The following CCDC66 variants were observed in gnomAD, a reference collection of about 807,000 sequenced individuals.
The protein encoded by CCDC66 is coiled-coil domain containing 66, also known as coiled-coil domain-containing protein 66.
In CCDC66, 133 loss-of-function variants were observed where a neutral mutation model predicts 128.3. The observed-to-expected ratio is 1.04, with a 90% CI of 0.90 to 1.20. CCDC66 has a LOEUF of 1.20. Ranked by LOEUF, CCDC66 falls within the 50% of genes most tolerant of loss-of-function variation. The pLI, the probability that CCDC66 is intolerant of heterozygous loss-of-function variation, is 0.00. For missense variants in CCDC66, 1,126 were observed against 1,075.5 expected, an observed-to-expected ratio of 1.05 and a Z score of -0.66; for synonymous variants, 387 against 357.0, an observed-to-expected ratio of 1.08 and a Z score of -0.95.
At chr3:56,610,903 A>G (rs972924472) in intron 10 of CCDC66, among the ~76,000 whole-genome samples, 1 of 152,192 alleles carries the variant, frequency 6.6e-6, no homozygotes, top group Admixed American at 6.5e-5. Flanking sequence ...TTGTCTGCAC[A>G]GAGTGCTTAT....
At chr3:56,570,128 A>T (rs2066433351) in intron 6 of CCDC66, 1 of 152,136 alleles carries the variant, frequency 6.6e-6, no homozygotes, top group Admixed American at 6.5e-5. Flanking sequence ...GAGCCACCAC[A>T]CCTGGCCTTA....
intron 7 of CCDC66, among the ~76,000 whole-genome samples, chr3:56,587,699 C>T (rs9881789): frequency 0.32 from 48,990 of 151,788 alleles, 8,387 homozygotes; most frequent in East Asian, 0.48. Flanking sequence ...GGTGAAACCC[C>T]GTTCCCTAAA....
At chr3:56,580,387 T>C (rs1193265053) in intron 7 of CCDC66, among the ~76,000 whole-genome samples, 2 of 151,874 alleles carry the variant, frequency 1.3e-5, no homozygotes, top group Non-Finnish European at 2.9e-5. Context: ...TGTCTTTTAA[T>C]TGGAGCATTT....
intron 4 of CCDC66, 52 bp from the exon 5 acceptor site, chr3:56,566,542 T>C: frequency 8.3e-7 from 1 of 1,201,814 alleles, no homozygotes; most frequent in Non-Finnish European, 1.2e-6. Context: ...TGCCAAGTAT[T>C]ATAACAGATG....
At chr3:56,565,823 C>T (rs994085233) in intron 4 of CCDC66, among the ~76,000 whole-genome samples, 15 of 150,802 alleles carry the variant, frequency 9.9e-5, no homozygotes, top group Admixed American at 2.6e-4. Context: ...CCCGCCACCA[C>T]GCCCGGCTAA....
At chr3:56,560,748 T>C (rs1577199631) in intron 3 of CCDC66, 1 of 385,054 alleles carries the variant, frequency 2.6e-6, no homozygotes, top group Middle Eastern at 4.2e-4. Flanking sequence ...AAGCCAACTG[T>C]TTTGATACTT....
intron 12 of CCDC66, 80 bp from the exon 13 acceptor site, chr3:56,615,842 A>G: frequency 1.6e-6 from 2 of 1,232,400 alleles, no homozygotes; most frequent in Non-Finnish European, 2.2e-6. Flanking sequence ...AGTGAAAATT[A>G]TTGTATTTAG....
In CCDC66 at chr3:56,609,272, T is replaced by TA. The variant is rs1221635137; in HGVS notation, c.1405-4316dup. 2.0e-5 allele frequency among the ~76,000 whole-genome samples: 3 copies of TA among 152,326 alleles called. No individual in the cohort carries two copies. The East Asian group carries it at 5.8e-4, about 29-fold the overall frequency. On this transcript the variant is annotated intron_variant, in intron 10 of 17. Coordinates refer to ENST00000394672, the MANE Select transcript of CCDC66 (RefSeq NM_001141947.3). Reference sequence around the variant, plus strand: ...TATTAGTAATTACAAGTTTGGGAGCTACAGTGTTAGGTGCATATATGTTTA... The same window carrying TA: ...TATTAGTAATTACAAGTTTGGGAGCTAACAGTGTTAGGTGCATATATGTTTA...
At chr3:56,564,751 T>C (rs567706083) in intron 4 of CCDC66, among the ~76,000 whole-genome samples, 3 of 152,290 alleles carry the variant, frequency 2.0e-5, no homozygotes, top group South Asian at 2.1e-4. Flanking sequence ...AATAGAAATA[T>C]CTAAAATTTT....
intron 5 of CCDC66, 30 bp from the exon 6 acceptor site, chr3:56,566,920 G>A: frequency 6.4e-7 from 1 of 1,565,646 alleles, no homozygotes; most frequent in Non-Finnish European, 8.8e-7. Flanking sequence ...GTATGATACA[G>A]TTTCTGTTAT....
At chr3:56,592,338 G>A (rs1176022145) in intron 7 of CCDC66, among the ~76,000 whole-genome samples, 2 of 152,082 alleles carry the variant, frequency 1.3e-5, no homozygotes, top group East Asian at 3.8e-4. Context: ...AACTCTTTCA[G>A]CCTCTAAAAG....
intron 3 of CCDC66, among the ~76,000 whole-genome samples, chr3:56,563,166 G>T (rs988045832): frequency 1.3e-5 from 2 of 151,702 alleles, no homozygotes; most frequent in Non-Finnish European, 2.9e-5. Flanking sequence ...TTCGAGACCA[G>T]CCCGGCTAAC....
Position 56,613,717 on chromosome 3 carries a change from TGAA to T in CCDC66, c.1539_1541del (p.Glu513del), listed in dbSNP as rs754383800. ...AACGTGAAGAGATGCAGAAACAGTA[TGAA>T]GAAGACATACTTAAGCAAAAACAAA... On this transcript the variant is annotated inframe_deletion, in exon 11 of 18. Transcript: ENST00000394672. 3.1e-6 allele frequency: 5 copies of T among 1,612,372 alleles called. No homozygotes were observed. Among genetic ancestry groups the T allele is most frequent in the East Asian group, 2.2e-5 (1 of 44,880 alleles).
intron 8 of CCDC66, 53 bp from the exon 9 acceptor site, chr3:56,593,438 A>G: frequency 6.3e-7 from 1 of 1,577,938 alleles, no homozygotes; most frequent in Non-Finnish European, 8.7e-7. Flanking sequence ...ATTTAGAATT[A>G]TATATGAGAA....
At chr3:56,593,157 C>A in intron 8 of CCDC66, 56 bp downstream of exon 8, 1 of 1,343,170 alleles carries the variant, frequency 7.4e-7, no homozygotes, top group Non-Finnish European at 1.0e-6. Flanking sequence ...AGTCTTTAAT[C>A]AATTAAAACT....
chr3:56,620,178 C>T (rs192578073), intron 17 of CCDC66: 6 of 200,442 alleles, frequency 3.0e-5, no homozygotes, highest in East Asian at 2.3e-4. Context: ...TACATTGGAA[C>T]GGCAAAACAT....
chr3:56,574,932 C>T (rs2067156405), intron 7 of CCDC66, among the ~76,000 whole-genome samples: 1 of 151,708 alleles, frequency 6.6e-6, no homozygotes, highest in Non-Finnish European at 1.5e-5. Flanking sequence ...TTTCTTTATC[C>T]ATTAATCCAT....
intron 7 of CCDC66, among the ~76,000 whole-genome samples, chr3:56,590,957 T>C (rs925476697): frequency 1.3e-5 from 2 of 152,160 alleles, no homozygotes; most frequent in Admixed American, 1.3e-4. Flanking sequence ...TTACAGTGTG[T>C]CTTGTGTTAT....
chr3:56,576,570 C>CTG (rs2067408106), intron 7 of CCDC66, among the ~76,000 whole-genome samples: 1 of 131,144 alleles, frequency 7.6e-6, no homozygotes, highest in Non-Finnish European at 1.6e-5. Context: ...CCCCACCCCA[C>CTG]GACAAGCCCC....
Sources: gnomAD v4.1 joint callset for allele counts (sites outside exome capture counted in the v4.1 genomes callset) on GRCh38, gnomAD v4.1.1 for gene constraint, MANE v1.5 for transcripts, NCBI Gene and HGNC (gene_info 2026-07-23, HGNC 2026-07-21) for gene names.